FTO: variants seen among roughly 807,000 people sequenced by gnomAD.
FTO encodes alpha-ketoglutarate-dependent dioxygenase FTO.
In FTO, 47 loss-of-function variants were observed where a neutral mutation model predicts 63.9. The observed-to-expected ratio is 0.74, with a 90% CI of 0.58 to 0.94. The LOEUF (loss-of-function observed/expected upper bound fraction) is 0.94, where lower values mean the gene tolerates loss of function less well. Among genes scored for constraint, FTO ranks in the 40% least tolerant of loss-of-function variants. The pLI is 0.00. For missense variants in FTO, 562 were observed against 618.1 expected (o/e 0.91, Z 0.96); for synonymous variants, 207 against 224.4 (o/e 0.92, Z 0.69).
At position 53,725,143 on chromosome 16, in the gene FTO, G is replaced by C. The variant is rs367914990; in HGVS notation, c.45+20914G>C. Among the ~76,000 whole-genome samples the C allele has an allele frequency of 9.3e-4, 142 of 152,222 alleles. 2 individuals carry two copies. The South Asian group carries it at 0.028, about 30-fold the overall frequency. Reference sequence around the variant, plus strand: ...GTACTTCCTTTTCATTTGTCCTGTGGTGTCTGAAGGAGAACTTTCTTTTAT... The same window carrying C: ...GTACTTCCTTTTCATTTGTCCTGTGCTGTCTGAAGGAGAACTTTCTTTTAT... On this transcript the variant is annotated intron_variant, in intron 1 of 8. Transcript: ENST00000471389.
chr16:53,869,140 C>T (rs1679442708), intron 4 of FTO, among the ~76,000 whole-genome samples: 1 of 151,992 alleles, frequency 6.6e-6, no homozygotes, highest in Non-Finnish European at 1.5e-5. Flanking sequence ...TCTGTTTCTC[C>T]TTTACTTTTA....
At chr16:53,788,449 A>G (rs112955486) in intron 1 of FTO, among the ~76,000 whole-genome samples, 23 of 152,006 alleles carry the variant, frequency 1.5e-4, no homozygotes, top group African/African-American at 5.5e-4. Context: ...CTAAAAATAC[A>G]AAAATTAGCC....
At chr16:53,944,718 C>T (rs573777896) in intron 8 of FTO, among the ~76,000 whole-genome samples, 1 of 152,214 alleles carries the variant, frequency 6.6e-6, no homozygotes, top group African/African-American at 2.4e-5. Flanking sequence ...AATAATAGAA[C>T]CCATTTCATA....
chr16:53,900,410 T>A (rs190076954), intron 7 of FTO, among the ~76,000 whole-genome samples: 1 of 152,288 alleles, frequency 6.6e-6, no homozygotes, highest in African/African-American at 2.4e-5. Flanking sequence ...GTTAAGACTC[T>A]TGGTTTCCGT....
intron 2 of FTO, among the ~76,000 whole-genome samples, chr16:53,814,467 A>G (rs1421967224): frequency 6.6e-6 from 1 of 152,180 alleles, no homozygotes; most frequent in Non-Finnish European, 1.5e-5. Context: ...GACAGGTGTT[A>G]CTAAAACCCT....
At chr16:54,019,018 G>A (rs1356841067) in intron 8 of FTO, among the ~76,000 whole-genome samples, 6 of 152,300 alleles carry the variant, frequency 3.9e-5, no homozygotes, top group Non-Finnish European at 1.5e-5. Flanking sequence ...TGCGATTGGA[G>A]ACTTGAGTTC....
At chr16:54,104,010 C>A (rs1330448867) in intron 8 of FTO, among the ~76,000 whole-genome samples, 1 of 152,138 alleles carries the variant, frequency 6.6e-6, no homozygotes, top group Non-Finnish European at 1.5e-5. Flanking sequence ...ATTTGTACAT[C>A]AGGTACTGGC....
At chr16:54,020,017 A>G (rs1289287254) in intron 8 of FTO, among the ~76,000 whole-genome samples, 3 of 152,222 alleles carry the variant, frequency 2.0e-5, no homozygotes, top group East Asian at 3.8e-4. Context: ...TCTGGCTTAT[A>G]GTTTATTTCT....
At chr16:53,880,257 G>A (rs894888815) in intron 6 of FTO, among the ~76,000 whole-genome samples, 22 of 152,050 alleles carry the variant, frequency 1.4e-4, no homozygotes, top group African/African-American at 4.8e-4. Flanking sequence ...TCAGCCTCCT[G>A]AAGTGCTGGG....
intron 4 of FTO, among the ~76,000 whole-genome samples, chr16:53,849,309 A>G (rs2079719119): frequency 6.6e-6 from 1 of 152,216 alleles, no homozygotes; most frequent in African/African-American, 2.4e-5. Flanking sequence ...TTTGCAAGCT[A>G]TAATTTGTAA....
intron 8 of FTO, among the ~76,000 whole-genome samples, chr16:53,989,814 C>T (rs1049819531): frequency 6.6e-6 from 1 of 152,014 alleles, no homozygotes; most frequent in Non-Finnish European, 1.5e-5. Flanking sequence ...TCCAAGACAG[C>T]AAGACCCACC....
chr16:53,873,213 A>G (rs963244656), intron 4 of FTO, among the ~76,000 whole-genome samples: 2 of 152,200 alleles, frequency 1.3e-5, no homozygotes, highest in African/African-American at 4.8e-5. Flanking sequence ...AGATAAGGGT[A>G]GAAGTAGATG....
intron 7 of FTO, among the ~76,000 whole-genome samples, chr16:53,903,956 TAG>T (rs1293177987): frequency 1.3e-5 from 2 of 151,914 alleles, no homozygotes; most frequent in African/African-American, 4.8e-5. Flanking sequence ...TGTATGTATG[TAG>T]AGTTTATATA....
chr16:53,877,730 CAA>C (rs202230780), intron 5 of FTO, among the ~76,000 whole-genome samples: 1 of 137,616 alleles, frequency 7.3e-6, no homozygotes, highest in African/African-American at 2.6e-5. Flanking sequence ...AAGCTGTTAC[CAA>C]AAAAAAAAAA....
At chr16:53,774,029 T>C (rs2077404328) in intron 1 of FTO, among the ~76,000 whole-genome samples, 1 of 152,150 alleles carries the variant, frequency 6.6e-6, no homozygotes, top group Non-Finnish European at 1.5e-5. Flanking sequence ...TTTAATTCTT[T>C]GTGGTTTTTA....
intron 7 of FTO, among the ~76,000 whole-genome samples, chr16:53,929,043 A>C (rs1299789292): frequency 2.0e-5 from 3 of 152,064 alleles, no homozygotes; most frequent in Non-Finnish European, 4.4e-5. Flanking sequence ...GGGTTTTGCC[A>C]TGTTGGTCAG....
intron 8 of FTO, among the ~76,000 whole-genome samples, chr16:54,037,575 C>A (rs1303540477): frequency 6.6e-6 from 1 of 152,196 alleles, no homozygotes; most frequent in African/African-American, 2.4e-5. Context: ...ATTCAGTTTT[C>A]TTCTGCCATC....
chr16:53,939,037 G>T (rs191665870), intron 8 of FTO, among the ~76,000 whole-genome samples: 1,647 of 152,262 alleles, frequency 0.011, 17 homozygotes, highest in Non-Finnish European at 0.015. Flanking sequence ...GGCGGAGCTT[G>T]CAGTGAGCCG....
chr16:54,105,689 T>C (rs1349117041), intron 8 of FTO, among the ~76,000 whole-genome samples: 1 of 152,158 alleles, frequency 6.6e-6, no homozygotes, highest in African/African-American at 2.4e-5. Flanking sequence ...TCTTTCCCAC[T>C]GAAGAATTCC....
Sources: allele counts gnomAD v4.1 joint callset (sites outside exome capture counted in the v4.1 genomes callset), GRCh38; gene constraint gnomAD v4.1.1; transcripts MANE v1.5; gene names NCBI Gene and HGNC (gene_info 2026-07-23, HGNC 2026-07-21).